MRTFB: variants seen among roughly 807,000 people sequenced by gnomAD.
The protein encoded by MRTFB is myocardin related transcription factor B, also known as myocardin-related transcription factor B.
Under a neutral mutation model 104.2 loss-of-function variants are expected in MRTFB, and 29 were observed. The observed-to-expected ratio is 0.28, with a 90% CI of 0.21 to 0.38. The LOEUF is 0.38. MRTFB is among the 10% of genes least tolerant of loss of function. MRTFB has a pLI of 1.00. For missense variants in MRTFB, 1,270 were observed against 1,341.6 expected (o/e 0.95, Z 0.83); for synonymous variants, 535 against 519.5 (o/e 1.03, Z -0.41).
chr16:14,178,391 G>A (rs1179253919), intron 3 of MRTFB, among the ~76,000 whole-genome samples: 1 of 152,158 alleles, frequency 6.6e-6, no homozygotes, highest in African/African-American at 2.4e-5. Context: ...AAGTCAGTAA[G>A]AGATGAAGGA....
the MRTFB span, among the ~76,000 whole-genome samples, chr16:14,048,433 A>G: frequency 6.6e-6 from 1 of 152,200 alleles, no homozygotes; most frequent in Non-Finnish European, 1.5e-5. Flanking sequence ...CATACAGAGG[A>G]CATCACAGTG....
chr16:14,231,857 A>G (rs2042283650), intron 8 of MRTFB, among the ~76,000 whole-genome samples: 2 of 152,192 alleles, frequency 1.3e-5, no homozygotes, highest in Non-Finnish European at 2.9e-5. Flanking sequence ...TCTAAAGCAC[A>G]TTAAAATGGC....
At chr16:14,232,699 G>A (rs2042319705) in intron 8 of MRTFB, among the ~76,000 whole-genome samples, 1 of 152,202 alleles carries the variant, frequency 6.6e-6, no homozygotes. Flanking sequence ...TCTCAGCGGG[G>A]CTTGAGAACG....
At chr16:14,199,393 A>G (rs1279973247) in intron 3 of MRTFB, among the ~76,000 whole-genome samples, 2 of 152,174 alleles carry the variant, frequency 1.3e-5, no homozygotes, top group Admixed American at 6.5e-5. Context: ...CAAATACTAC[A>G]TAAGTGACAA....
At chr16:14,137,328 T>C (rs1567368963) in intron 2 of MRTFB, among the ~76,000 whole-genome samples, 2 of 152,264 alleles carry the variant, frequency 1.3e-5, no homozygotes, top group South Asian at 4.2e-4. Context: ...ATAATTTTCA[T>C]AATTGGGAGA....
the MRTFB span, among the ~76,000 whole-genome samples, chr16:14,043,413 A>G: frequency 1.3e-5 from 2 of 151,506 alleles, no homozygotes; most frequent in East Asian, 3.9e-4. Flanking sequence ...GCCACGAGGC[A>G]TTTCTCCTCG....
Position 14,247,306 on chromosome 16 carries a change from A to T in MRTFB, c.2046A>T (p.Gln682His), listed in dbSNP as rs1198387450. The change falls in exon 12 of 17, where the codon CAA becomes CAT. Residue 682 changes from glutamine (Q) to histidine (H), a missense_variant. Coordinates refer to ENST00000571589, the MANE Select transcript of MRTFB (RefSeq NM_001308142.2). ...CCAAAAAGGCTGTAGTTATCAAGCA[A>T]GAGGTCCCTGTGGGCCAGGCAGAGC... ...LVAKKAVVIKQEVPVGQAEQQ... is the reference protein window; with the variant it reads ...LVAKKAVVIKHEVPVGQAEQQ... The T allele has an allele frequency of 6.2e-7, 1 of 1,614,096 alleles. No individual in the cohort carries two copies. The highest frequency in any genetic ancestry group is 2.2e-5 in the East Asian group (1 of 44,894).
At chr16:14,084,368 C>G (rs1038725369) in intron 2 of MRTFB, among the ~76,000 whole-genome samples, 1 of 151,952 alleles carries the variant, frequency 6.6e-6, no homozygotes, top group African/African-American at 2.4e-5. Flanking sequence ...TAGTGAAATC[C>G]CATCTCTGCA....
chr16:14,056,816 A>C, the MRTFB span, among the ~76,000 whole-genome samples: 1 of 152,096 alleles, frequency 6.6e-6, no homozygotes. Flanking sequence ...ACCTATACCT[A>C]TCTCTACATA....
At chr16:14,058,163 G>T in the MRTFB span, among the ~76,000 whole-genome samples, 1 of 152,180 alleles carries the variant, frequency 6.6e-6, no homozygotes, top group African/African-American at 2.4e-5. Flanking sequence ...TCCCGGGGGT[G>T]CCAGGAGTGC....
At chr16:14,050,024 C>T in the MRTFB span, among the ~76,000 whole-genome samples, 3 of 152,166 alleles carry the variant, frequency 2.0e-5, no homozygotes, top group Admixed American at 6.5e-5. Context: ...TGAGCCACCA[C>T]GCCTGGCCAG....
At chr16:14,054,071 T>A in the MRTFB span, among the ~76,000 whole-genome samples, 1 of 152,170 alleles carries the variant, frequency 6.6e-6, no homozygotes, top group Non-Finnish European at 1.5e-5. Context: ...TATGGCCTAG[T>A]GTTCATGGTG....
At chr16:14,231,567 G>C (rs1206629634) in intron 8 of MRTFB, among the ~76,000 whole-genome samples, 6 of 150,902 alleles carry the variant, frequency 4.0e-5, no homozygotes, top group South Asian at 2.1e-4. Context: ...GCCCCAGTGT[G>C]TGTTGTTCCC....
intron 2 of MRTFB, among the ~76,000 whole-genome samples, chr16:14,126,446 T>C (rs2037115464): frequency 6.6e-6 from 1 of 152,158 alleles, no homozygotes; most frequent in Non-Finnish European, 1.5e-5. Flanking sequence ...AGAAATAAAC[T>C]TTTTTTATTT....
At chr16:14,248,881 T>G in intron 12 of MRTFB, 45 bp from the exon 13 acceptor site, 1 of 1,599,940 alleles carries the variant, frequency 6.3e-7, no homozygotes, top group South Asian at 1.1e-5. Flanking sequence ...TTTCTAACTT[T>G]GATTCTGACA....
At chr16:14,198,859 T>C (rs1472861455) in intron 3 of MRTFB, among the ~76,000 whole-genome samples, 1 of 152,214 alleles carries the variant, frequency 6.6e-6, no homozygotes, top group Non-Finnish European at 1.5e-5. Context: ...ATCTGTCCCC[T>C]TCCTACTGCC....
chr16:14,218,777 CA>C, intron 7 of MRTFB, 42 bp from the exon 8 acceptor site: 1 of 1,534,398 alleles, frequency 6.5e-7, no homozygotes, highest in South Asian at 1.3e-5. Context: ...CTTGGTATTC[CA>C]AAGCCAACAT....
the MRTFB span, among the ~76,000 whole-genome samples, chr16:14,006,704 G>A: frequency 6.8e-6 from 1 of 147,308 alleles, no homozygotes; most frequent in East Asian, 1.9e-4. Flanking sequence ...GTATCCATAT[G>A]CAACTTTTTT....
upstream of MRTFB, among the ~76,000 whole-genome samples, chr16:14,069,087 A>G (rs1006185880): frequency 5.4e-5 from 8 of 148,454 alleles, no homozygotes; most frequent in African/African-American, 1.0e-4. Context: ...CTCCTGCCTC[A>G]GCCTCCCCAG....
Sources: gnomAD v4.1 joint callset for allele counts (sites outside exome capture counted in the v4.1 genomes callset) on GRCh38, gnomAD v4.1.1 for gene constraint, MANE v1.5 for transcripts, NCBI Gene and HGNC (gene_info 2026-07-23, HGNC 2026-07-21) for gene names.